FMR1: variants seen among roughly 807,000 people sequenced by gnomAD.
The protein encoded by FMR1 is FMRP translational regulator 1.
In FMR1, 13 loss-of-function variants were observed where a neutral mutation model predicts 50.6. That is an observed-to-expected ratio of 0.26 (90% CI 0.17 to 0.41). The LOEUF is 0.41. FMR1 is among the 10% of genes least tolerant of loss of function. The probability of loss-of-function intolerance (pLI) is 1.00; values close to 1 mark genes in which losing one functional copy is unlikely to be tolerated. For missense variants in FMR1, 316 were observed against 491.3 expected, an observed-to-expected ratio of 0.64 and a Z score of 3.37; for synonymous variants, 138 against 164.1, an observed-to-expected ratio of 0.84 and a Z score of 1.22.
At chrX:147,921,355 A>G (rs1602954803) in intron 1 of FMR1, among the ~76,000 whole-genome samples, 2 of 111,454 alleles carry the variant, frequency 1.8e-5, no homozygotes, top group East Asian at 2.8e-4. Flanking sequence ...TATTTTTTCT[A>G]CAAGTACTGT....
Position 147,940,607 on chromosome X carries a change from A to G in FMR1, c.1220A>G (p.Lys407Arg). ...GMVPFVFVGT[K>R]DSIANATVLL... ...GTACCATTTGTTTTTGTGGGAACAA[A>G]GGACAGCATCGCTAATGCCACTGTT... Residue 407 changes from lysine to arginine, a missense_variant, in exon 13 of 17, where the codon AAG becomes AGG. Transcript: ENST00000370475. The G allele has an allele frequency of 1.7e-6, 2 of 1,204,267 alleles. No homozygotes were observed. The highest frequency in any genetic ancestry group is 2.3e-6 in the Non-Finnish European group (2 of 888,711).
At chrX:147,945,122 T>C (rs890881870) in intron 15 of FMR1, 71 bp downstream of exon 15, 15 of 1,155,787 alleles carry the variant, frequency 1.3e-5, no homozygotes, top group Middle Eastern at 5.2e-4. Context: ...AGAAATCCTA[T>C]TGATGCAATG....
intron 15 of FMR1, 151 bp from the exon 16 acceptor site, chrX:147,945,383 G>T: frequency 1.9e-6 from 1 of 517,135 alleles, no homozygotes; most frequent in Non-Finnish European, 3.4e-6. Context: ...CAGCAGGCTA[G>T]ATTATTAGCC....
In FMR1 at chrX:147,936,486, G is replaced by T. The variant is rs1557179691; in HGVS notation, c.881-18G>T. 2 of 1,084,308 alleles carry T rather than the reference G, an allele frequency of 1.8e-6. No homozygotes were observed. Among genetic ancestry groups the T allele is most frequent in the Admixed American group, 2.2e-5 (1 of 45,799 alleles). The allele number at this position is 1,084,308 out of a possible 1,213,427, so 89.4% of individuals were successfully genotyped here. A position where few individuals can be genotyped will look rare whatever the true frequency, so the allele number is the denominator to read the frequency against. On this transcript the variant is annotated intron_variant, in intron 9 of 16. Coordinates refer to ENST00000370475, the MANE Select transcript of FMR1 (RefSeq NM_002024.6). ...GGTATGTGTTTTTAAAACCAAACTT[G>T]ATTTATTTATTTCTTAGGCAAAGTA...
intron 12 of FMR1, among the ~76,000 whole-genome samples, chrX:147,938,579 T>C (rs1332369180): frequency 9.0e-6 from 1 of 111,701 alleles, no homozygotes; most frequent in African/African-American, 3.3e-5. Context: ...CCCCACCCCC[T>C]TGACTGGTTC....
In FMR1 at chrX:147,912,111, C is replaced by CGGCGGCGGCGGCGGCGGCGGCGGCGGG. The variant is rs1569545102; in HGVS notation, c.-69_-68insGGCGGCGGCGGCGGCGGCGGCGGCGGG. 1 of 655,303 alleles carries CGGCGGCGGCGGCGGCGGCGGCGGCGGG rather than the reference C, an allele frequency of 1.5e-6. No homozygotes were observed. Among genetic ancestry groups the CGGCGGCGGCGGCGGCGGCGGCGGCGGG allele is most frequent in the African/African-American group, 4.7e-5 (1 of 21,130 alleles). 54.0% of individuals were successfully genotyped at this position (655,303 alleles called of 1,213,427 possible). ...GCGGCGGCGGCGGCGGCGGCGGCGG[C>CGGCGGCGGCGGCGGCGGCGGCGGCGGG]TGGGCCTCGAGCGCCCGCAGCCCAC... On this transcript the variant is annotated 5_prime_UTR_variant, in exon 1 of 17. Coordinates refer to ENST00000370475, the MANE Select transcript of FMR1 (RefSeq NM_002024.6).
At chrX:147,925,741 A>G (rs1372209962) in intron 3 of FMR1, 108 bp downstream of exon 3, 20 of 552,671 alleles carry the variant, frequency 3.6e-5, no homozygotes, top group Non-Finnish European at 5.4e-5. Flanking sequence ...TACTTTGAGA[A>G]TTACAGCTGG....
At chrX:147,932,342 C>T in intron 7 of FMR1, 83 bp from the exon 8 acceptor site, 1 of 909,784 alleles carries the variant, frequency 1.1e-6, no homozygotes, top group East Asian at 3.1e-5. Flanking sequence ...TATACAGGGT[C>T]AAGATAATTT....
intron 9 of FMR1, chrX:147,933,385 A>G: frequency 1.2e-6 from 1 of 867,388 alleles, no homozygotes; most frequent in Non-Finnish European, 1.5e-6. Context: ...GATAGCATTC[A>G]TTTTAATTAT....
chrX:147,921,432 TAAAG>T (rs1244103433), intron 1 of FMR1, among the ~76,000 whole-genome samples: 8 of 110,656 alleles, frequency 7.2e-5, no homozygotes, highest in South Asian at 3.7e-4. Context: ...ATATGATTGT[TAAAG>T]AAAGTTTAGT....
At chrX:147,940,326 A>T (rs1007078800) in intron 12 of FMR1, 4 of 359,017 alleles carry the variant, frequency 1.1e-5, no homozygotes, top group Middle Eastern at 8.3e-4. Context: ...GATTTTGCTG[A>T]TACTGAATAC....
chrX:147,915,990 A>G (rs1006965569), intron 1 of FMR1, among the ~76,000 whole-genome samples: 9 of 112,410 alleles, frequency 8.0e-5, no homozygotes, highest in Non-Finnish European at 1.5e-4. Flanking sequence ...TCCTATAACT[A>G]TAGTTACAGT....
chrX:147,937,283 C>G (rs2043822248), intron 10 of FMR1, among the ~76,000 whole-genome samples, 183 bp from the exon 11 acceptor site: 1 of 111,838 alleles, frequency 8.9e-6, no homozygotes, highest in African/African-American at 3.2e-5. Context: ...TTGAAAGATT[C>G]TTTTAGCTAA....
intron 9 of FMR1, chrX:147,933,799 C>A: frequency 8.7e-6 from 2 of 229,658 alleles, no homozygotes; most frequent in Non-Finnish European, 1.3e-5. Context: ...ATTCTGTTTA[C>A]GTAGTTTCAA....
chrX:147,912,064 G>A lies in FMR1; in HGVS notation c.-116G>A. 1 of 212,702 alleles carries A rather than the reference G, an allele frequency of 4.7e-6. No individual in the cohort carries two copies. The highest frequency in any genetic ancestry group is 6.7e-6 in the Non-Finnish European group (1 of 149,877). 17.5% of individuals were successfully genotyped at this position (212,702 alleles called of 1,213,427 possible). On this transcript the variant is annotated 5_prime_UTR_variant, in exon 1 of 17. Transcript: ENST00000370475. The stretch of plus-strand genomic sequence containing the variant: ...CGTGCGGCAGCGCGGCGGCGGCGGC[G>A]GCGGCGGCGGCGGCGGAGGCGGCGG...
At chrX:147,939,902 CAAAAAA>C (rs782544831) in intron 12 of FMR1, among the ~76,000 whole-genome samples, 1 of 45,492 alleles carries the variant, frequency 2.2e-5, no homozygotes, top group Non-Finnish European at 4.1e-5. Context: ...GACCCTGTCT[CAAAAAA>C]AAAAAAAAAA....
chrX:147,918,580 T>TTG (rs1557175774), intron 1 of FMR1, among the ~76,000 whole-genome samples: 1 of 99,303 alleles, frequency 1.0e-5, no homozygotes, highest in Non-Finnish European at 2.0e-5. Context: ...TTTTTTTTTT[T>TTG]GAATAGCTAC....
In FMR1 at chrX:147,949,436, A is replaced by C. The variant is rs782729986; in HGVS notation, c.*592A>C. On this transcript the variant is annotated 3_prime_UTR_variant, in exon 17 of 17. Transcript: ENST00000370475. ...GTAGGAATATTATATTTGGATGCAGAGTTCAGGGAAGATAAGTTGGAAACA... is the reference window on the plus strand; with the variant it reads ...GTAGGAATATTATATTTGGATGCAGCGTTCAGGGAAGATAAGTTGGAAACA... 3 of 329,629 alleles carry C rather than the reference A, an allele frequency of 9.1e-6. No homozygotes were observed. Among genetic ancestry groups the C allele is most frequent in the South Asian group, 7.8e-5 (3 of 38,493 alleles). The allele number at this position is 329,629 out of a possible 1,213,427, so 27.2% of individuals were successfully genotyped here. A position where few individuals can be genotyped will look rare whatever the true frequency, so the allele number is the denominator to read the frequency against.
rs782448298 is a variant in FMR1, at chrX:147,950,731, T to A, written c.*1887T>A. The A allele has an allele frequency of 1.2e-4, 40 of 323,729 alleles. No individual in the cohort carries two copies. The highest frequency in any genetic ancestry group is 1.8e-4 in the Non-Finnish European group (31 of 167,704). 26.7% of individuals were successfully genotyped at this position (323,729 alleles called of 1,213,427 possible). Reference sequence around the variant, plus strand: ...AAAGTGTTCTGTTACAAAATGTAACTGTTACCATTGGAAATTTCACGTCAT... The same window carrying A: ...AAAGTGTTCTGTTACAAAATGTAACAGTTACCATTGGAAATTTCACGTCAT... On this transcript the variant is annotated 3_prime_UTR_variant, in exon 17 of 17. Coordinates refer to ENST00000370475, the MANE Select transcript of FMR1 (RefSeq NM_002024.6).
Sources: gnomAD v4.1 joint callset for allele counts (sites outside exome capture counted in the v4.1 genomes callset) on GRCh38, gnomAD v4.1.1 for gene constraint, MANE v1.5 for transcripts, NCBI Gene and HGNC (gene_info 2026-07-23, HGNC 2026-07-21) for gene names.